Variants in SOX5 observed in about 807,000 individuals in gnomAD.
The protein encoded by SOX5 is transcription factor SOX-5.
In SOX5, 9 loss-of-function variants were observed where a neutral mutation model predicts 92.0. The observed-to-expected ratio is 0.10, with a 90% CI of 0.06 to 0.17. SOX5 has a LOEUF of 0.17. Ranked by LOEUF, SOX5 falls within the 10% of genes least tolerant of loss-of-function variation. The pLI, the probability that SOX5 is intolerant of heterozygous loss-of-function variation, is 1.00. For synonymous variants in SOX5, 344 were observed against 336.3 expected (o/e 1.02, Z -0.25); for missense variants, 642 against 944.5 (o/e 0.68, Z 4.20).
At chr12:24,476,405 C>CAAAG (rs1284636162) in intron 1 of SOX5, among the ~76,000 whole-genome samples, 2 of 152,164 alleles carry the variant, frequency 1.3e-5, no homozygotes, top group African/African-American at 4.8e-5. Context: ...TAGAGTACTG[C>CAAAG]TGCTCCAGAG....
intron 4 of SOX5, among the ~76,000 whole-genome samples, chr12:24,003,462 C>A (rs1389847066): frequency 4.0e-5 from 6 of 151,370 alleles, no homozygotes; most frequent in Non-Finnish European, 8.9e-5. Flanking sequence ...AGCAAGATTG[C>A]CAAATACAAG....
chr12:24,268,101 T>C (rs1287423333), intron 3 of SOX5, among the ~76,000 whole-genome samples: 1 of 152,220 alleles, frequency 6.6e-6, no homozygotes, highest in East Asian at 1.9e-4. Flanking sequence ...ATTATGTTAC[T>C]TAAGTTGATG....
At chr12:24,026,708 T>TGG (rs1954932026) in intron 4 of SOX5, among the ~76,000 whole-genome samples, 1 of 151,882 alleles carries the variant, frequency 6.6e-6, no homozygotes, top group African/African-American at 2.4e-5. Context: ...ATAGAGTTCT[T>TGG]TAAAGTTCTC....
At chr12:23,834,267 A>G (rs535947790) in intron 3 of SOX5, among the ~76,000 whole-genome samples, 265 of 152,090 alleles carry the variant, frequency 1.7e-3, no homozygotes, top group Non-Finnish European at 3.0e-3. Flanking sequence ...TGATTTCACA[A>G]GATTGCATGA....
rs984051264 is a variant in SOX5, at chr12:24,455,919, G to A, written c.-250-87280C>T. ...GGCCCAGTATCCTTACCTCAGCTAC[G>A]AACAGCTCTGCGAGGCCATGCAGTC... On this transcript the variant is annotated intron_variant, in intron 1 of 4. Coordinates refer to the SOX5 transcript ENST00000446891. Among the ~76,000 whole-genome samples, 10 of 152,130 alleles carry A rather than the reference G, an allele frequency of 6.6e-5. No homozygotes were observed. In the East Asian group the frequency reaches 1.2e-3, roughly 18 times the overall value.
At chr12:23,909,385 T>G (rs918741105) in intron 1 of SOX5, among the ~76,000 whole-genome samples, 1 of 152,168 alleles carries the variant, frequency 6.6e-6, no homozygotes, top group Non-Finnish European at 1.5e-5. Context: ...TTCTCATCAT[T>G]TGTTAGAATA....
At chr12:23,743,184 A>G (rs2141029693) in intron 4 of SOX5, among the ~76,000 whole-genome samples, 1 of 152,328 alleles carries the variant, frequency 6.6e-6, no homozygotes, top group African/African-American at 2.4e-5. Context: ...GAAATGAAAC[A>G]TTTGTATACT....
At chr12:23,626,433 G>A (rs1196091689) in intron 8 of SOX5, among the ~76,000 whole-genome samples, 1 of 152,096 alleles carries the variant, frequency 6.6e-6, no homozygotes, top group African/African-American at 2.4e-5. Flanking sequence ...CCATGGAGAT[G>A]GAATGAGAAT....
intron 3 of SOX5, among the ~76,000 whole-genome samples, chr12:23,802,540 C>T (rs951767607): frequency 1.3e-5 from 2 of 151,798 alleles, no homozygotes; most frequent in African/African-American, 4.8e-5. Flanking sequence ...CAAAATTTGA[C>T]ACATTTCTAA....
At chr12:24,329,864 A>C (rs1395042041) in intron 2 of SOX5, among the ~76,000 whole-genome samples, 1 of 152,166 alleles carries the variant, frequency 6.6e-6, no homozygotes, top group African/African-American at 2.4e-5. Flanking sequence ...CTCTACTAAA[A>C]ATACAAAAAT....
intron 1 of SOX5, among the ~76,000 whole-genome samples, chr12:23,926,555 T>C (rs546809853): frequency 1.3e-5 from 2 of 152,260 alleles, no homozygotes; most frequent in South Asian, 2.1e-4. Flanking sequence ...TTATGTTTAG[T>C]AAATTCAAAA....
chr12:24,017,826 C>T (rs760641113), intron 4 of SOX5, among the ~76,000 whole-genome samples: 2 of 152,032 alleles, frequency 1.3e-5, no homozygotes, highest in Non-Finnish European at 2.9e-5. Flanking sequence ...TCACTTCCCA[C>T]AGAGATGTAC....
At chr12:23,603,607 T>C (rs543425075) in intron 9 of SOX5, among the ~76,000 whole-genome samples, 2 of 151,698 alleles carry the variant, frequency 1.3e-5, no homozygotes, top group South Asian at 2.1e-4. Flanking sequence ...GAAAGCTTAA[T>C]ATATTTATAC....
chr12:24,268,064 A>G (rs1427675287), intron 3 of SOX5, among the ~76,000 whole-genome samples: 2 of 152,216 alleles, frequency 1.3e-5, no homozygotes, highest in African/African-American at 4.8e-5. Flanking sequence ...CAAGATCAGG[A>G]AAATGAAGCA....
intron 3 of SOX5, among the ~76,000 whole-genome samples, chr12:23,817,017 A>G (rs2096008987): frequency 6.6e-6 from 1 of 152,204 alleles, no homozygotes; most frequent in Admixed American, 6.5e-5. Flanking sequence ...ACATCTGAAC[A>G]TGTCACTATT....
intron 4 of SOX5, among the ~76,000 whole-genome samples, chr12:24,193,099 C>A (rs1022431391): frequency 1.3e-5 from 2 of 152,024 alleles, no homozygotes; most frequent in Non-Finnish European, 2.9e-5. Context: ...AGCTTAAAAC[C>A]AGAGAGATGT....
intron 1 of SOX5, among the ~76,000 whole-genome samples, chr12:24,374,363 A>G (rs552475046): frequency 1.1e-4 from 17 of 152,194 alleles, no homozygotes; most frequent in Admixed American, 9.2e-4. Flanking sequence ...GGTGAGAGAG[A>G]AATAAAAAGC....
intron 1 of SOX5, among the ~76,000 whole-genome samples, chr12:24,426,928 A>G (rs985809578): frequency 2.6e-5 from 4 of 152,126 alleles, no homozygotes; most frequent in African/African-American, 9.7e-5. Flanking sequence ...TCACTCTTCA[A>G]TGAAGTCTGC....
intron 2 of SOX5, among the ~76,000 whole-genome samples, chr12:24,301,790 G>A (rs985383574): frequency 1.6e-4 from 24 of 152,148 alleles, no homozygotes; most frequent in African/African-American, 5.5e-4. Context: ...CTGGCTGCAG[G>A]AAGTCAATAA....
Sources: allele counts gnomAD v4.1 joint callset (sites outside exome capture counted in the v4.1 genomes callset), GRCh38; gene constraint gnomAD v4.1.1; transcripts MANE v1.5; gene names NCBI Gene and HGNC (gene_info 2026-07-23, HGNC 2026-07-21).